CTNND2: variants seen among roughly 807,000 people sequenced by gnomAD.
CTNND2 encodes the protein catenin delta-2.
In CTNND2, 22 loss-of-function variants were observed where a neutral mutation model predicts 144.4. That is an observed-to-expected ratio of 0.15 (90% CI 0.11 to 0.22). The LOEUF (loss-of-function observed/expected upper bound fraction) is 0.22, where lower values mean the gene tolerates loss of function less well. Among genes scored for constraint, CTNND2 ranks in the 10% least tolerant of loss-of-function variants. The pLI, the probability that CTNND2 is intolerant of heterozygous loss-of-function variation, is 1.00. For synonymous variants in CTNND2, 751 were observed against 695.6 expected (o/e 1.08, Z -1.25); for missense variants, 1,353 against 1,618.8 (o/e 0.84, Z 2.82).
At chr5:11,852,119 T>C (rs1316671270) in intron 1 of CTNND2, among the ~76,000 whole-genome samples, 2 of 152,066 alleles carry the variant, frequency 1.3e-5, no homozygotes, top group Non-Finnish European at 2.9e-5. Flanking sequence ...CCTTTCAGAC[T>C]CTACAGCTTC....
rs1222372889 is a variant in CTNND2 at position 11,399,602 on chromosome 5, G to A, written c.440-2399C>T. On this transcript the variant is annotated intron_variant, in intron 5 of 21. Coordinates refer to ENST00000304623, the MANE Select transcript of CTNND2 (RefSeq NM_001332.4). ...TCAAAAGAATTTAAATTAAAAATGTGGTTTACTTGCTCCCAGAATATATAT... is the reference window on the plus strand; with the variant it reads ...TCAAAAGAATTTAAATTAAAAATGTAGTTTACTTGCTCCCAGAATATATAT... Among the ~76,000 whole-genome samples the A allele has an allele frequency of 3.3e-5, 5 of 152,088 alleles. No homozygotes were observed. The South Asian group carries it at 1.0e-3, about 32-fold the overall frequency.
intron 1 of CTNND2, among the ~76,000 whole-genome samples, chr5:11,845,938 G>A (rs564599254): frequency 9.9e-5 from 15 of 152,226 alleles, no homozygotes; most frequent in African/African-American, 1.4e-4. Flanking sequence ...TGTAACCCCC[G>A]TGAGAAAGAG....
chr5:11,720,624 T>G (rs1786618659), intron 2 of CTNND2, among the ~76,000 whole-genome samples: 1 of 152,222 alleles, frequency 6.6e-6, no homozygotes, highest in Non-Finnish European at 1.5e-5. Flanking sequence ...TCTATATTCT[T>G]CACAGGTGTG....
In CTNND2 at chr5:11,346,443, G is replaced by A. The variant is rs751731116; in HGVS notation, c.1557C>T (p.Ser519=). The A allele has an allele frequency of 8.3e-6, 13 of 1,566,724 alleles. 1 individual carries two copies. In the Admixed American group the frequency reaches 9.2e-5, roughly 11 times the overall value. Residue 519 remains serine (S), a synonymous_variant, in exon 9 of 22, where the codon TCC becomes TCT. Transcript: ENST00000304623. ...CPSVESPYSK[S]GPALPPEGTL... is the part of the protein sequence containing the mutation. Reference sequence around the variant, plus strand: ...TGCCTTCAGGCGGGAGAGCAGGGCCGGATTTGCTGTATGGAGACTCAACAG... The same window carrying A: ...TGCCTTCAGGCGGGAGAGCAGGGCCAGATTTGCTGTATGGAGACTCAACAG...
rs114338927 is a variant in CTNND2 at position 11,173,968 on chromosome 5, C to T, written c.1976-14209G>A. Among the ~76,000 whole-genome samples, 806 of 152,238 alleles carry T rather than the reference C, an allele frequency of 5.3e-3. 9 individuals carry two copies. Among genetic ancestry groups the T allele is most frequent in the African/African-American group, 0.018 (763 of 41,546 alleles). ...AGAAGTGGGCAGGCAAGGTAGGAGG[C>T]CACTTCAGAACCCTAAGGGAGAAAT... On this transcript the variant is annotated intron_variant, in intron 11 of 21. Coordinates refer to ENST00000304623, the MANE Select transcript of CTNND2 (RefSeq NM_001332.4).
At chr5:11,580,001 C>T (rs1443389926) in intron 2 of CTNND2, among the ~76,000 whole-genome samples, 1 of 152,164 alleles carries the variant, frequency 6.6e-6, no homozygotes, top group African/African-American at 2.4e-5. Context: ...AGAAATTAAA[C>T]AGTCAACAAA....
At chr5:11,476,887 T>C (rs569418449) in intron 3 of CTNND2, among the ~76,000 whole-genome samples, 42 of 152,226 alleles carry the variant, frequency 2.8e-4, no homozygotes, top group Non-Finnish European at 5.4e-4. Context: ...TTTGTAATAT[T>C]GCACAGAAAG....
At chr5:11,821,199 G>T (rs2126941290) in intron 1 of CTNND2, among the ~76,000 whole-genome samples, 1 of 152,174 alleles carries the variant, frequency 6.6e-6, no homozygotes, top group African/African-American at 2.4e-5. Flanking sequence ...TTGAATATAA[G>T]CTTATTCGTG....
chr5:11,201,039 G>A (rs574297157), intron 10 of CTNND2, among the ~76,000 whole-genome samples: 5 of 152,098 alleles, frequency 3.3e-5, no homozygotes, highest in South Asian at 2.1e-4. Context: ...TAACCACACC[G>A]TTTAAAACTG....
chr5:11,667,610 T>C (rs888421285), intron 2 of CTNND2, among the ~76,000 whole-genome samples: 2 of 152,176 alleles, frequency 1.3e-5, no homozygotes, highest in Non-Finnish European at 2.9e-5. Flanking sequence ...TTTGATGGGG[T>C]TGTTTCTTTA....
At chr5:11,397,271 A>G (rs996613852) in intron 5 of CTNND2, 68 bp from the exon 6 acceptor site, 5 of 1,387,146 alleles carry the variant, frequency 3.6e-6, no homozygotes, top group Admixed American at 3.8e-5. Context: ...TGTATTATTT[A>G]TTGAGAGTAG....
At chr5:11,376,226 A>G (rs925958023) in intron 7 of CTNND2, among the ~76,000 whole-genome samples, 15 of 151,932 alleles carry the variant, frequency 9.9e-5, no homozygotes, top group Non-Finnish European at 1.8e-4. Context: ...ACCTAAACAG[A>G]CTAAGACACT....
intron 3 of CTNND2, among the ~76,000 whole-genome samples, chr5:11,433,497 T>C (rs1400525313): frequency 6.6e-6 from 1 of 152,278 alleles, no homozygotes; most frequent in East Asian, 1.9e-4. Flanking sequence ...GAGATTTAAT[T>C]GGCTCATGGT....
intron 2 of CTNND2, among the ~76,000 whole-genome samples, chr5:11,669,128 T>C (rs1783736436): frequency 6.6e-6 from 1 of 152,200 alleles, no homozygotes; most frequent in South Asian, 2.1e-4. Flanking sequence ...TTGATCGTGG[T>C]GGATAAGCTT....
intron 2 of CTNND2, among the ~76,000 whole-genome samples, chr5:11,643,481 C>A (rs921491386): frequency 6.8e-6 from 1 of 147,706 alleles, no homozygotes; most frequent in Non-Finnish European, 1.5e-5. Context: ...TGAGAACATG[C>A]GGTGTTTGGT....
intron 12 of CTNND2, among the ~76,000 whole-genome samples, chr5:11,133,148 A>G (rs544525933): frequency 6.6e-6 from 1 of 152,280 alleles, no homozygotes; most frequent in South Asian, 2.1e-4. Flanking sequence ...GATGGGGATA[A>G]GAAAGATTAT....
intron 3 of CTNND2, among the ~76,000 whole-genome samples, chr5:11,460,384 C>G (rs1426490007): frequency 1.3e-5 from 2 of 152,212 alleles, no homozygotes; most frequent in Non-Finnish European, 2.9e-5. Context: ...TTGTAATTGT[C>G]CAGCCAATTT....
At chr5:11,116,281 A>G (rs1364370667) in intron 13 of CTNND2, among the ~76,000 whole-genome samples, 1 of 152,168 alleles carries the variant, frequency 6.6e-6, no homozygotes, top group Non-Finnish European at 1.5e-5. Context: ...GTCTGGAGAC[A>G]CTGTTGTTTG....
At position 11,159,670 on chromosome 5, in the gene CTNND2, G is replaced by A; in HGVS notation, c.2065C>T (p.Pro689Ser). The change falls in exon 12 of 22, where the codon CCC becomes TCC. Residue 689 changes from proline to serine, a missense_variant. Coordinates refer to ENST00000304623, the MANE Select transcript of CTNND2 (RefSeq NM_001332.4). ...LAVLTNAVII[P>S]HSGWENSPLQ... ...GGCGAATTTTCCCAGCCTGAGTGGG[G>A]GATAATCACCGCGTTGGTCAGTACT... The A allele has an allele frequency of 6.2e-7, 1 of 1,613,524 alleles. No individual in the cohort carries two copies. The highest frequency in any genetic ancestry group is 1.1e-5 in the South Asian group (1 of 90,890).
Sources: allele counts gnomAD v4.1 joint callset (sites outside exome capture counted in the v4.1 genomes callset), GRCh38; gene constraint gnomAD v4.1.1; transcripts MANE v1.5; gene names NCBI Gene and HGNC (gene_info 2026-07-23, HGNC 2026-07-21).